OXR1: variants seen among roughly 807,000 people sequenced by gnomAD.
OXR1 encodes oxidation resistance protein 1.
OXR1 carries 41 observed loss-of-function variants against 104.6 expected under a neutral mutation model. That is an observed-to-expected ratio of 0.39 (90% CI 0.31 to 0.51). The LOEUF is 0.51. Ranked by LOEUF, OXR1 falls within the 20% of genes least tolerant of loss-of-function variation. The pLI is 0.77. For synonymous variants in OXR1, 348 were observed against 348.4 expected (o/e 1.00, Z 0.01); for missense variants, 955 against 1,031.9 (o/e 0.93, Z 1.02).
chr8:106,484,234 GA>G (rs1822309714), intron 2 of OXR1, among the ~76,000 whole-genome samples: 1 of 151,524 alleles, frequency 6.6e-6, no homozygotes. Flanking sequence ...CAAGTATAAG[GA>G]AAAAATAGGA....
At chr8:106,618,061 A>C in intron 3 of OXR1, 1 of 1,533,620 alleles carries the variant, frequency 6.5e-7, no homozygotes, top group Non-Finnish European at 8.7e-7. Context: ...GCAGAAAGGA[A>C]ATGTTATATT....
intron 3 of OXR1, chr8:106,657,840 CCCT>C: frequency 1.6e-6 from 2 of 1,237,730 alleles, no homozygotes; most frequent in Non-Finnish European, 2.0e-6. Context: ...GAGGGACGCC[CCCT>C]CCTCCTCCCC....
intron 3 of OXR1, chr8:106,580,915 A>G (rs1223977743): frequency 1.3e-5 from 12 of 902,620 alleles, no homozygotes; most frequent in Admixed American, 6.0e-5. Context: ...TTTCCTGAAC[A>G]TTCCTTAAGT....
intron 2 of OXR1, among the ~76,000 whole-genome samples, chr8:106,457,065 T>A (rs1253675772): frequency 6.6e-6 from 1 of 152,234 alleles, no homozygotes; most frequent in Non-Finnish European, 1.5e-5. Flanking sequence ...GTTGAATGCC[T>A]ACTTATCTAT....
intron 2 of OXR1, among the ~76,000 whole-genome samples, chr8:106,384,692 T>C (rs1817295801): frequency 6.6e-6 from 1 of 152,112 alleles, no homozygotes; most frequent in African/African-American, 2.4e-5. Context: ...AAAGCATTCA[T>C]TGCTGTCTTA....
rs1333667894 is a variant in OXR1, at chr8:106,639,882, T to TC, written c.221-39326dup. Among the ~76,000 whole-genome samples, 8 of 152,290 alleles carry TC rather than the reference T, an allele frequency of 5.3e-5. No homozygotes were observed. The East Asian group carries it at 1.5e-3, about 29-fold the overall frequency. On this transcript the variant is annotated intron_variant, in intron 3 of 16. Coordinates refer to ENST00000517566, the MANE Select transcript of OXR1 (RefSeq NM_001198533.2). ...AATGTAGACAAGTATATTAATGGTT[T>TC]CCATTCTCAGAGACAGACACATAAA...
chr8:106,750,819 C>A lies in OXR1; in HGVS notation c.2500C>A (p.Leu834Ile). The A allele has an allele frequency of 6.3e-7, 1 of 1,599,818 alleles. No homozygotes were observed. Among genetic ancestry groups the A allele is most frequent in the Non-Finnish European group, 8.5e-7 (1 of 1,173,896 alleles). The change falls in exon 17 of 17, where the codon CTT (leucine) becomes ATT (isoleucine). Residue 834 changes from leucine to isoleucine, a missense_variant. Transcript: ENST00000517566. ...AFGGGGGEFALWLDGDLYHGR... is the reference protein window; with the variant it reads ...AFGGGGGEFAIWLDGDLYHGR... ...TATGTATTGCAGAGGAGAATTTGCG[C>A]TTTGGCTTGATGGAGATCTCTACCA...
chr8:106,497,410 G>A (rs865832166), intron 2 of OXR1, among the ~76,000 whole-genome samples: 2 of 152,162 alleles, frequency 1.3e-5, no homozygotes, highest in East Asian at 3.9e-4. Flanking sequence ...AATTTTACAG[G>A]CATTCAGCTA....
intron 11 of OXR1, among the ~76,000 whole-genome samples, chr8:106,725,574 G>A (rs1307333366): frequency 2.0e-5 from 3 of 152,152 alleles, no homozygotes; most frequent in Non-Finnish European, 4.4e-5. Context: ...GAAATTAGAT[G>A]TTAGAAAATG....
Position 106,323,150 on chromosome 8 carries a change from A to G in OXR1, c.-138-36326A>G, listed in dbSNP as rs1814297099. Reference sequence around the variant, plus strand: ...AGACTTCAGACTATACTACAAGGCTACAGTAATGAAAACAGCGTGGTAGTG... The same window carrying G: ...AGACTTCAGACTATACTACAAGGCTGCAGTAATGAAAACAGCGTGGTAGTG... On this transcript the variant is annotated intron_variant, in intron 1 of 16. Coordinates refer to ENST00000517566, the MANE Select transcript of OXR1 (RefSeq NM_001198533.2). Among the ~76,000 whole-genome samples, 6 of 152,372 alleles carry G rather than the reference A, an allele frequency of 3.9e-5. No homozygotes were observed. In the South Asian group the frequency reaches 1.2e-3, roughly 32 times the overall value.
At chr8:106,360,926 G>A (rs375099700) in intron 2 of OXR1, among the ~76,000 whole-genome samples, 2 of 152,242 alleles carry the variant, frequency 1.3e-5, no homozygotes, top group African/African-American at 4.8e-5. Context: ...AAAGGAAAGG[G>A]CAGGAGATTG....
At chr8:106,743,884 T>C (rs535644549) in intron 15 of OXR1, among the ~76,000 whole-genome samples, 4 of 152,226 alleles carry the variant, frequency 2.6e-5, no homozygotes, top group South Asian at 4.1e-4. Context: ...ATAAAGAAAA[T>C]GTGGTACATA....
At chr8:106,387,733 G>A (rs1178773382) in intron 2 of OXR1, among the ~76,000 whole-genome samples, 1 of 152,082 alleles carries the variant, frequency 6.6e-6, no homozygotes, top group Non-Finnish European at 1.5e-5. Context: ...GAGGACACAT[G>A]GTATAGACCA....
At chr8:106,421,438 GT>G (rs1818902943) in intron 2 of OXR1, among the ~76,000 whole-genome samples, 1 of 152,272 alleles carries the variant, frequency 6.6e-6, no homozygotes, top group African/African-American at 2.4e-5. Flanking sequence ...TTGGCTGCCG[GT>G]TTTCTGGGCC....
At chr8:106,406,502 T>C (rs1317905344) in intron 2 of OXR1, among the ~76,000 whole-genome samples, 2 of 152,134 alleles carry the variant, frequency 1.3e-5, no homozygotes, top group African/African-American at 4.8e-5. Flanking sequence ...GACAATGGAA[T>C]ATTACTCAGT....
intron 3 of OXR1, among the ~76,000 whole-genome samples, chr8:106,557,547 CTACTTT>C (rs1563603925): frequency 1.6e-5 from 1 of 63,996 alleles, no homozygotes; most frequent in Admixed American, 2.0e-4. Context: ...TTTTAGAATT[CTACTTT>C]TTTTTTTTTA....
At chr8:106,713,673 C>T (rs1483109576) in intron 10 of OXR1, 150 bp from the exon 11 acceptor site, 2 of 463,358 alleles carry the variant, frequency 4.3e-6, no homozygotes, top group Non-Finnish European at 7.4e-6. Flanking sequence ...TTAATGCCTT[C>T]CTGATAGTAG....
intron 3 of OXR1, among the ~76,000 whole-genome samples, chr8:106,530,396 C>T: frequency 6.6e-6 from 1 of 152,090 alleles, no homozygotes; most frequent in East Asian, 1.9e-4. Flanking sequence ...TTCCTGGGCG[C>T]AAGTCAGCCT....
At chr8:106,544,849 A>G (rs887963129) in intron 3 of OXR1, among the ~76,000 whole-genome samples, 4 of 152,196 alleles carry the variant, frequency 2.6e-5, no homozygotes, top group African/African-American at 9.7e-5. Context: ...CAGCACACTT[A>G]CATAGACTGG....
Sources: gnomAD v4.1 joint callset for allele counts (sites outside exome capture counted in the v4.1 genomes callset) on GRCh38, gnomAD v4.1.1 for gene constraint, MANE v1.5 for transcripts, NCBI Gene and HGNC (gene_info 2026-07-23, HGNC 2026-07-21) for gene names.